ARHGEF39: variants seen among roughly 807,000 people sequenced by gnomAD.
ARHGEF39 encodes Rho guanine nucleotide exchange factor (GEF) 39.
A neutral mutation model predicts 47.5 loss-of-function variants in ARHGEF39; 45 were observed. That is an observed-to-expected ratio of 0.95 (90% confidence interval 0.75 to 1.22). The LOEUF is 1.22. ARHGEF39 is among the 50% of genes most tolerant of loss of function. The pLI is 0.00. For synonymous variants in ARHGEF39, 164 were observed against 167.8 expected (o/e 0.98, Z 0.17); for missense variants, 411 against 425.3 (o/e 0.97, Z 0.30).
intron 6 of ARHGEF39, 98 bp downstream of exon 6, chr9:35,662,848 G>A: frequency 1.9e-6 from 3 of 1,559,144 alleles, no homozygotes; most frequent in South Asian, 1.2e-5. Flanking sequence ...AGTACAGGAA[G>A]AAGGGTGAGT....
rs374645451 is a variant in ARHGEF39, at chr9:35,664,330, G to A, written c.354+42C>T. 6.4e-6 allele frequency: 10 copies of A among 1,569,336 alleles called. No individual in the cohort carries two copies. In the African/African-American group the frequency reaches 1.1e-4, roughly 17 times the overall value. ...ATGAAGTTTGGGTCTCCAGATGAAG[G>A]GGAAAGGTAAGGGGCAAGATTTGAG... On this transcript the variant is annotated intron_variant, in intron 3 of 8. Transcript: ENST00000378387.
Position 35,661,186 on chromosome 9 carries a change from G to C in ARHGEF39, c.*801C>G. On this transcript the variant is annotated 3_prime_UTR_variant, in exon 9 of 9. Coordinates refer to ENST00000378387, the MANE Select transcript of ARHGEF39 (RefSeq NM_032818.3). ...CGACTAAAACAAAGTCTGTTTTCATGATGGAGTGCTCCTGTGTGTTTTTTC... is the reference window on the plus strand; with the variant it reads ...CGACTAAAACAAAGTCTGTTTTCATCATGGAGTGCTCCTGTGTGTTTTTTC... 1 of 1,589,392 alleles carries C rather than the reference G, an allele frequency of 6.3e-7. No homozygotes were observed. The highest frequency in any genetic ancestry group is 8.6e-7 in the Non-Finnish European group (1 of 1,166,092).
rs754330389 is a variant in ARHGEF39, at chr9:35,662,251, T to TGAGGGAAGGA, written c.919_920insTCCTTCCCTC (p.Glu307ValfsTer60). The TGAGGGAAGGA allele has an allele frequency of 1.2e-6, 2 of 1,614,074 alleles. No homozygotes were observed. Among genetic ancestry groups the TGAGGGAAGGA allele is most frequent in the Non-Finnish European group, 1.7e-6 (2 of 1,179,964 alleles). On this transcript the variant is annotated frameshift_variant, in exon 8 of 9. Transcript: ENST00000378387. LOFTEE classifies it high-confidence loss of function. ...GTCTGTGGACATAAGCAGTAGCTTC[T>TGAGGGAAGGA]CATGAGGGAAGGACAGCTAGAGAGA...
chr9:35,664,541 C>T, intron 2 of ARHGEF39, 49 bp from the exon 3 acceptor site: 4 of 1,548,606 alleles, frequency 2.6e-6, no homozygotes, highest in Non-Finnish European at 3.5e-6. Flanking sequence ...CACTCAAGCA[C>T]CACCTCATTT....
chr9:35,664,245 T>A, intron 3 of ARHGEF39, 119 bp from the exon 4 acceptor site: 1 of 1,518,530 alleles, frequency 6.6e-7, no homozygotes, highest in Non-Finnish European at 9.0e-7. Context: ...CTCTCGTTTC[T>A]CTACAAGGAA....
At chr9:35,662,331 C>G (rs1430709898) in intron 7 of ARHGEF39, 64 bp from the exon 8 acceptor site, 1 of 1,525,826 alleles carries the variant, frequency 6.6e-7, no homozygotes, top group Non-Finnish European at 9.1e-7. Context: ...GAAGCCCTTG[C>G]TGTTTCCATG....
chr9:35,664,513 A>G, intron 2 of ARHGEF39, 21 bp from the exon 3 acceptor site: 1 of 1,581,228 alleles, frequency 6.3e-7, no homozygotes, highest in Non-Finnish European at 8.6e-7. Context: ...AAGGACAGCA[A>G]AAGGGCAGCT....
chr9:35,660,224 A>ACGT lies in ARHGEF39; in HGVS notation c.*1760_*1762dup. On this transcript the variant is annotated 3_prime_UTR_variant, in exon 9 of 9. Coordinates refer to ENST00000378387, the MANE Select transcript of ARHGEF39 (RefSeq NM_032818.3). ...AAACTGACCATGTGTGGGACATAGG[A>ACGT]CGTCGCTTCATATGCTGGGTGAGGA... 1 of 578,122 alleles carries ACGT rather than the reference A, an allele frequency of 1.7e-6. No individual in the cohort carries two copies. Among genetic ancestry groups the ACGT allele is most frequent in the Admixed American group, 3.4e-5 (1 of 29,372 alleles). The allele number at this position is 578,122 out of a possible 1,614,324, so 35.8% of individuals were successfully genotyped here. A position where few individuals can be genotyped will look rare whatever the true frequency, so the allele number is the denominator to read the frequency against.
At position 35,664,420 on chromosome 9, in the gene ARHGEF39, G is replaced by C. The variant is rs1353753873; in HGVS notation, c.306C>G (p.Leu102=). The C allele has an allele frequency of 5.0e-6, 8 of 1,613,386 alleles. No homozygotes were observed. The highest frequency in any genetic ancestry group is 6.8e-6 in the Non-Finnish European group (8 of 1,179,696). Residue 102 remains leucine, a synonymous_variant, in exon 3 of 9, where the codon CTC becomes CTG. Transcript: ENST00000378387. ...CTGAGTTGGCAGCAAATTGGTTATA[G>C]AGCTCCAAGTGGCGGCAGAAGCCCT... The part of the protein sequence containing the change: ...GLEGFCRHLE[L]YNQFAANSER...
At position 35,664,038 on chromosome 9, in the gene ARHGEF39, A is replaced by G; in HGVS notation, c.443T>C (p.Leu148Pro). ...PEFGGLQLQDLLPLPLQRLQQ... is the reference protein window; with the variant it reads ...PEFGGLQLQDPLPLPLQRLQQ... ...GAGCCGTTGCAGAGGCAGAGGGAGC[A>G]GGTCCTGGAGCTGAAGGCCCCCAAA... The change falls in exon 4 of 9, where the codon CTG (leucine) becomes CCG (proline). Residue 148 changes from leucine to proline, a missense_variant. By Grantham distance (98) the Leu-to-Pro change is moderately conservative. Coordinates refer to ENST00000378387, the MANE Select transcript of ARHGEF39 (RefSeq NM_032818.3). The G allele has an allele frequency of 6.2e-7, 1 of 1,614,118 alleles. No homozygotes were observed. The highest frequency in any genetic ancestry group is 1.1e-5 in the South Asian group (1 of 91,076).
Position 35,662,021 on chromosome 9 carries a change from CAGTT to C in ARHGEF39, c.993-23_993-20del, listed in dbSNP as rs1563914740. 2 of 1,613,720 alleles carry C rather than the reference CAGTT, an allele frequency of 1.2e-6. No individual in the cohort carries two copies. Among genetic ancestry groups the C allele is most frequent in the Non-Finnish European group, 8.5e-7 (1 of 1,179,882 alleles). The stretch of plus-strand genomic sequence containing the variant: ...CTGGCTGCTGTGGAGAGAAGACAGT[CAGTT>C]CAGGCACTGGTATGAGTGCTTTATT... On this transcript the variant is annotated intron_variant, in intron 8 of 8. Coordinates refer to ENST00000378387, the MANE Select transcript of ARHGEF39 (RefSeq NM_032818.3).
rs1239883048 is a variant in ARHGEF39, at chr9:35,659,646, A to G, written c.*2341T>C. 1 of 152,358 alleles carries G rather than the reference A, an allele frequency of 6.6e-6. No individual in the cohort carries two copies. The highest frequency in any genetic ancestry group is 1.9e-4 in the East Asian group (1 of 5,182). The allele number at this position is 152,358 out of a possible 1,614,324, so 9.4% of individuals were successfully genotyped here. ...AAACAACCAGAGAAAACCACCGTCAATGAGCACTGACTGTAAAGACTGACG... is the reference window on the plus strand; with the variant it reads ...AAACAACCAGAGAAAACCACCGTCAGTGAGCACTGACTGTAAAGACTGACG... On this transcript the variant is annotated 3_prime_UTR_variant, in exon 9 of 9. Transcript: ENST00000378387.
intron 6 of ARHGEF39, 34 bp downstream of exon 6, chr9:35,662,912 C>T (rs1371582228): frequency 1.2e-6 from 2 of 1,601,262 alleles, no homozygotes; most frequent in Non-Finnish European, 8.5e-7. Flanking sequence ...AAAGATGGGG[C>T]AGTTGAGGAT....
chr9:35,661,667 A>T lies in ARHGEF39; in HGVS notation c.*320T>A. On this transcript the variant is annotated 3_prime_UTR_variant, in exon 9 of 9. Transcript: ENST00000378387. ...TTTCCTGATTCTTCTTTTTTAATAA[A>T]ATTTCTTAATTATTTTTTCTTAAAT... is the stretch of plus-strand genomic sequence containing the variant. The T allele has an allele frequency of 2.4e-6, 1 of 419,582 alleles. No homozygotes were observed. The highest frequency in any genetic ancestry group is 4.2e-6 in the Non-Finnish European group (1 of 238,032). 26.0% of individuals were successfully genotyped at this position (419,582 alleles called of 1,614,324 possible).
Position 35,664,195 on chromosome 9 carries a change from C to G in ARHGEF39, c.355-69G>C. The G allele has an allele frequency of 1.9e-6, 3 of 1,548,410 alleles. No individual in the cohort carries two copies. The South Asian group carries it at 3.4e-5, about 18-fold the overall frequency. On this transcript the variant is annotated intron_variant, in intron 3 of 8. Transcript: ENST00000378387. ...TCCTTATATTGCATTCATCTGTATC[C>G]ACATTCCCAGCCTTCAGTAAGCTGT...
rs1563910772 is a variant in ARHGEF39 at position 35,659,660 on chromosome 9, TA to T, written c.*2326del. On this transcript the variant is annotated 3_prime_UTR_variant, in exon 9 of 9. Transcript: ENST00000378387. The stretch of plus-strand genomic sequence containing the variant: ...AACCACCGTCAATGAGCACTGACTG[TA>T]AAGACTGACGTTAATAAACCAGAAA... The T allele has an allele frequency of 6.6e-6, 1 of 152,126 alleles. No individual in the cohort carries two copies. The highest frequency in any genetic ancestry group is 1.5e-5 in the Non-Finnish European group (1 of 68,034). The allele number at this position is 152,126 out of a possible 1,614,324, so 9.4% of individuals were successfully genotyped here.
In ARHGEF39 at chr9:35,660,673, T is replaced by G. The variant is rs78043355; in HGVS notation, c.*1314A>C. The G allele has an allele frequency of 4.5e-3, 7,211 of 1,613,968 alleles. 253 individuals are homozygous for G. In the African/African-American group the frequency reaches 0.084, roughly 19 times the overall value. On this transcript the variant is annotated 3_prime_UTR_variant, in exon 9 of 9. Transcript: ENST00000378387. ...GTGAGGAGAGCAATGATTCTGTGAA[T>G]TTTTGGGGAATTTGTGGCAGGAGGG...
In ARHGEF39 at chr9:35,661,282, T is replaced by A; in HGVS notation, c.*705A>T. The A allele has an allele frequency of 3.6e-6, 3 of 842,594 alleles. No homozygotes were observed. Among genetic ancestry groups the A allele is most frequent in the Middle Eastern group, 2.9e-4 (1 of 3,404 alleles). 52.2% of individuals were successfully genotyped at this position (842,594 alleles called of 1,614,324 possible). ...CTGGGCCTTCTTGAAGAGCTGTCCT[T>A]ATTAGGACAAAAAGAGGCTGCCTTC... On this transcript the variant is annotated 3_prime_UTR_variant, in exon 9 of 9. Coordinates refer to ENST00000378387, the MANE Select transcript of ARHGEF39 (RefSeq NM_032818.3).
Position 35,660,702 on chromosome 9 carries a change from A to G in ARHGEF39, c.*1285T>C, listed in dbSNP as rs766218821. 1.2e-6 allele frequency: 2 copies of G among 1,613,528 alleles called. No individual in the cohort carries two copies. Among genetic ancestry groups the G allele is most frequent in the Non-Finnish European group, 1.7e-6 (2 of 1,179,664 alleles). On this transcript the variant is annotated 3_prime_UTR_variant, in exon 9 of 9. Coordinates refer to ENST00000378387, the MANE Select transcript of ARHGEF39 (RefSeq NM_032818.3). Reference sequence around the variant, plus strand: ...TGGGGAATTTGTGGCAGGAGGGAGGAATGGGGACATAGGTTGGGAGCCACT... The same window carrying G: ...TGGGGAATTTGTGGCAGGAGGGAGGGATGGGGACATAGGTTGGGAGCCACT...
Sources: gnomAD v4.1 joint callset for allele counts on GRCh38, gnomAD v4.1.1 for gene constraint, MANE v1.5 for transcripts, NCBI Gene and HGNC (gene_info 2026-07-23, HGNC 2026-07-21) for gene names.